Variants in USP45 observed in about 807,000 individuals in gnomAD.
USP45 encodes ubiquitin carboxyl-terminal hydrolase 45.
Under a neutral mutation model 95.8 loss-of-function variants are expected in USP45, and 89 were observed. The observed-to-expected ratio is 0.93, with a 90% CI of 0.78 to 1.11. The LOEUF (loss-of-function observed/expected upper bound fraction) is 1.11. Among genes scored for constraint, USP45 ranks in the 50% least tolerant of loss-of-function variants. The probability of loss-of-function intolerance (pLI) is 0.00; values close to 1 mark genes in which losing one functional copy is unlikely to be tolerated. For synonymous variants in USP45, 281 were observed against 316.2 expected, an observed-to-expected ratio of 0.89 and a Z score of 1.18; for missense variants, 898 against 942.5, an observed-to-expected ratio of 0.95 and a Z score of 0.62.
chr6:99,432,407 C>T lies in USP45; in HGVS notation c.*3309G>A, dbSNP rs942562236. 5.3e-5 allele frequency: 8 copies of T among 151,374 alleles called. No homozygotes were observed. In the East Asian group the frequency reaches 5.8e-4, roughly 11 times the overall value. The allele number at this position is 151,374 out of a possible 1,614,324, so 9.4% of individuals were successfully genotyped here. The stretch of plus-strand genomic sequence containing the variant: ...TGTTGATAAAACATTCTGTCAATAA[C>T]GTAAACTGTGAAAATTCCAGGACCA... On this transcript the variant is annotated 3_prime_UTR_variant, in exon 18 of 18. Coordinates refer to ENST00000500704, the MANE Select transcript of USP45 (RefSeq NM_001346022.3).
At chr6:99,509,857 T>C (rs775046209) in intron 2 of USP45, among the ~76,000 whole-genome samples, 11 of 152,124 alleles carry the variant, frequency 7.2e-5, no homozygotes, top group Non-Finnish European at 1.5e-4. Context: ...GGTGGGGTAG[T>C]TGGTTCTAGG....
intron 3 of USP45, 32 bp from the exon 4 acceptor site, chr6:99,507,563 C>T (rs2128804807): frequency 7.2e-7 from 1 of 1,392,966 alleles, no homozygotes; most frequent in Middle Eastern, 1.8e-4. Context: ...TTTTGTATGA[C>T]TTACAAATGT....
At chr6:99,489,461 G>A (rs1049783025) in intron 5 of USP45, among the ~76,000 whole-genome samples, 14 of 152,048 alleles carry the variant, frequency 9.2e-5, no homozygotes, top group South Asian at 4.1e-4. Context: ...ACAGAATTAG[G>A]AAAATCACCA....
chr6:99,489,311 A>G (rs1794668573), intron 5 of USP45, among the ~76,000 whole-genome samples: 1 of 152,222 alleles, frequency 6.6e-6, no homozygotes, highest in Admixed American at 6.5e-5. Flanking sequence ...AATTCAGATA[A>G]TTTGATCATA....
At chr6:99,475,917 T>C (rs1173644243) in intron 9 of USP45, among the ~76,000 whole-genome samples, 1 of 152,174 alleles carries the variant, frequency 6.6e-6, no homozygotes, top group Non-Finnish European at 1.5e-5. Context: ...CTCTGCTTCC[T>C]GGGTTCAAGC....
chr6:99,457,644 A>G (rs17181306), intron 13 of USP45, among the ~76,000 whole-genome samples: 22,337 of 152,254 alleles, frequency 0.15, 2,357 homozygotes, highest in Non-Finnish European at 0.21. Context: ...CCAAGATCAT[A>G]TAACTAATAA....
chr6:99,464,237 C>T (rs984183913), intron 13 of USP45, among the ~76,000 whole-genome samples: 7 of 152,140 alleles, frequency 4.6e-5, no homozygotes, highest in South Asian at 2.1e-4. Flanking sequence ...ACCCAGGAGG[C>T]GGAGGCTGCA....
intron 1 of USP45, among the ~76,000 whole-genome samples, chr6:99,514,594 A>G (rs1800702266): frequency 6.6e-6 from 1 of 152,186 alleles, no homozygotes; most frequent in Admixed American, 6.5e-5. Context: ...TCTTTTCTCT[A>G]AAGTAGGATG....
chr6:99,461,292 G>A, intron 13 of USP45: 1 of 985,234 alleles, frequency 1.0e-6, no homozygotes, highest in Non-Finnish European at 1.2e-6. Context: ...CTGTGGGGAG[G>A]GGAAAGAAGG....
intron 5 of USP45, among the ~76,000 whole-genome samples, chr6:99,489,897 G>A (rs1394524974): frequency 6.6e-6 from 1 of 152,130 alleles, no homozygotes; most frequent in Non-Finnish European, 1.5e-5. Flanking sequence ...GTTGCAGTGA[G>A]CTGAGATCAT....
At chr6:99,452,589 C>G (rs1037071606) in intron 13 of USP45, among the ~76,000 whole-genome samples, 4 of 152,184 alleles carry the variant, frequency 2.6e-5, no homozygotes, top group Admixed American at 2.6e-4. Context: ...GGACTGTAAA[C>G]TAGTTCAACT....
At position 99,464,763 on chromosome 6, in the gene USP45, A is replaced by T. The variant is rs56296838; in HGVS notation, c.1165-16T>A. ...GTTTTGAAACCTATGTAAATGCCAC[A>T]TACAGAAACCAAAACCTCTTTAGTA... On this transcript the variant is annotated splice_polypyrimidine_tract_variant and intron_variant, in intron 12 of 17. Transcript: ENST00000500704. 1 of 1,582,868 alleles carries T rather than the reference A, an allele frequency of 6.3e-7. No individual in the cohort carries two copies. Among genetic ancestry groups the T allele is most frequent in the Non-Finnish European group, 8.5e-7 (1 of 1,171,112 alleles).
At chr6:99,507,321 A>G (rs1432649309) in intron 4 of USP45, 107 bp downstream of exon 4, 1 of 568,808 alleles carries the variant, frequency 1.8e-6, no homozygotes, top group Non-Finnish European at 3.1e-6. Context: ...TTAAAAAACC[A>G]TAAGCTGATA....
rs569024479 is a variant in USP45 at position 99,455,033 on chromosome 6, T to C, written c.1309-8570A>G. On this transcript the variant is annotated intron_variant, in intron 13 of 17. Coordinates refer to ENST00000500704, the MANE Select transcript of USP45 (RefSeq NM_001346022.3). Reference sequence around the variant, plus strand: ...TGAACCTGGGAGGTGGAGGTTGCAGTGAGCCAAGATCACACCACTGCACTC... The same window carrying C: ...TGAACCTGGGAGGTGGAGGTTGCAGCGAGCCAAGATCACACCACTGCACTC... 2.0e-3 allele frequency among the ~76,000 whole-genome samples: 285 copies of C among 142,500 alleles called. 2 individuals carry two copies. Among genetic ancestry groups the C allele is most frequent in the African/African-American group, 7.0e-3 (272 of 38,604 alleles). 93.5% of individuals were successfully genotyped at this position (142,500 alleles called of 152,430 possible). A position where few individuals can be genotyped will look rare whatever the true frequency, so the allele number is the denominator to read the frequency against.
At chr6:99,490,864 C>A (rs2128740391) in intron 5 of USP45, among the ~76,000 whole-genome samples, 2 of 152,234 alleles carry the variant, frequency 1.3e-5, no homozygotes, top group South Asian at 4.1e-4. Flanking sequence ...GCCACCGCGC[C>A]CAGCAGAAGA....
At chr6:99,454,162 T>TTA (rs919292114) in intron 13 of USP45, among the ~76,000 whole-genome samples, 1 of 151,974 alleles carries the variant, frequency 6.6e-6, no homozygotes, top group Non-Finnish European at 1.5e-5. Flanking sequence ...ATCCACATAC[T>TTA]TACAGCCAAC....
chr6:99,482,733 T>A lies in USP45; in HGVS notation c.845+20A>T. The A allele has an allele frequency of 6.4e-7, 1 of 1,572,656 alleles. No homozygotes were observed. The highest frequency in any genetic ancestry group is 8.6e-7 in the Non-Finnish European group (1 of 1,164,228). On this transcript the variant is annotated intron_variant, in intron 8 of 17. Transcript: ENST00000500704. ...ATTTTGTAACTCATAATTATTTATA[T>A]TAAATGTAGATGCACCCACTTCTGA...
Position 99,457,277 on chromosome 6 carries a change from T to C in USP45, c.1308+7327A>G, listed in dbSNP as rs1376923963. On this transcript the variant is annotated intron_variant, in intron 13 of 17. Transcript: ENST00000500704. ...ACTTGATGTCTGTGACCCACACCTA[T>C]TTGCACACTCCCTCCCCTTTTGAAA... Among the ~76,000 whole-genome samples, 5 of 152,308 alleles carry C rather than the reference T, an allele frequency of 3.3e-5. No individual in the cohort carries two copies. The East Asian group carries it at 9.6e-4, about 29-fold the overall frequency.
chr6:99,452,847 A>G (rs1249801587), intron 13 of USP45, among the ~76,000 whole-genome samples: 1 of 152,242 alleles, frequency 6.6e-6, no homozygotes, highest in Non-Finnish European at 1.5e-5. Context: ...CTATGCAGCC[A>G]TAAAAAAGGA....
Sources: allele counts gnomAD v4.1 joint callset (sites outside exome capture counted in the v4.1 genomes callset), GRCh38; gene constraint gnomAD v4.1.1; transcripts MANE v1.5; gene names NCBI Gene and HGNC (gene_info 2026-07-23, HGNC 2026-07-21).